Variants in LINGO1 observed in about 807,000 individuals in gnomAD.
The protein encoded by LINGO1 is leucine-rich repeat and immunoglobulin-like domain-containing nogo receptor-interacting protein 1.
In LINGO1, 11 loss-of-function variants were observed where a neutral mutation model predicts 37.3. The ratio of observed to expected loss-of-function variants is 0.29; its 90% CI spans 0.19 to 0.49. LINGO1 has a LOEUF of 0.49. Ranked by LOEUF, LINGO1 falls within the 20% of genes least tolerant of loss-of-function variation. LINGO1 has a pLI of 0.99. For missense variants in LINGO1, 585 were observed against 878.2 expected (o/e 0.67, Z 4.22); for synonymous variants, 387 against 403.0 (o/e 0.96, Z 0.48).
intron 2 of LINGO1, among the ~76,000 whole-genome samples, chr15:77,706,481 CT>C (rs2075854282): frequency 6.6e-6 from 1 of 152,176 alleles, no homozygotes; most frequent in Admixed American, 6.5e-5. Context: ...CACTATTGGC[CT>C]CAGGCTCTGT....
intron 1 of LINGO1, among the ~76,000 whole-genome samples, chr15:77,744,198 T>G (rs1158223461): frequency 6.6e-6 from 1 of 152,060 alleles, no homozygotes; most frequent in East Asian, 1.9e-4. Context: ...ACAAGCTGCG[T>G]GTCTATGAGC....
chr15:77,778,903 C>T (rs2076687719), intron 1 of LINGO1, among the ~76,000 whole-genome samples: 1 of 152,154 alleles, frequency 6.6e-6, no homozygotes, highest in South Asian at 2.1e-4. Flanking sequence ...GCCCTGAGAG[C>T]GATCTCCAAG....
At chr15:77,635,178 G>A (rs145318493), upstream of LINGO1, among the ~76,000 whole-genome samples, 501 of 152,290 alleles carry the variant, frequency 3.3e-3, 4 homozygotes, top group African/African-American at 0.011. Context: ...GGGAGGAAGA[G>A]CCCCTTGGCC....
chr15:77,737,529 C>G (rs973296620), intron 1 of LINGO1, among the ~76,000 whole-genome samples: 1 of 152,146 alleles, frequency 6.6e-6, no homozygotes, highest in African/African-American at 2.4e-5. Flanking sequence ...TCCCATTTCT[C>G]TGCTTCCCTT....
At chr15:77,786,933 A>C (rs993482874) in exon 1 of LINGO1, 3 of 152,410 alleles carry the variant, frequency 2.0e-5, no homozygotes, top group African/African-American at 7.2e-5. Context: ...AGCTGCTGTG[A>C]AGATGGGAAG....
intron 2 of LINGO1, among the ~76,000 whole-genome samples, chr15:77,707,229 G>A (rs1277312677): frequency 1.3e-5 from 2 of 152,166 alleles, no homozygotes; most frequent in Non-Finnish European, 2.9e-5. Context: ...GGAGGAGGAG[G>A]AGAAGTCCAA....
chr15:77,745,314 T>A (rs1315338918), intron 1 of LINGO1, among the ~76,000 whole-genome samples: 2 of 150,576 alleles, frequency 1.3e-5, no homozygotes, highest in African/African-American at 4.9e-5. Flanking sequence ...TAGTCCCAGC[T>A]ACTTGGAAGG....
chr15:77,625,800 C>T (rs1235194300), intron 1 of LINGO1, among the ~76,000 whole-genome samples: 2 of 152,200 alleles, frequency 1.3e-5, no homozygotes, highest in African/African-American at 4.8e-5. Flanking sequence ...TGAGCTGTGT[C>T]ATCTTGGGCA....
chr15:77,803,951 C>G (rs1381966119), intron 1 of LINGO1, among the ~76,000 whole-genome samples: 21 of 152,190 alleles, frequency 1.4e-4, no homozygotes. Context: ...AAGCCACGCA[C>G]AGTGGGCCCT....
intron 1 of LINGO1, among the ~76,000 whole-genome samples, chr15:77,622,552 C>G (rs1428956195): frequency 2.0e-5 from 3 of 152,368 alleles, no homozygotes; most frequent in African/African-American, 7.2e-5. Flanking sequence ...AAGGCCCAGC[C>G]TGGGCTCCTT....
chr15:77,698,574 G>T (rs915929601), upstream of LINGO1, among the ~76,000 whole-genome samples: 2 of 152,186 alleles, frequency 1.3e-5, no homozygotes, highest in Non-Finnish European at 2.9e-5. Context: ...GCTGGCTCAT[G>T]GTCCTCCGGG....
intron 1 of LINGO1, among the ~76,000 whole-genome samples, chr15:77,738,747 TGAAG>T (rs1166793124): frequency 0.18 from 19,844 of 109,056 alleles, 1,482 homozygotes; most frequent in Non-Finnish European, 0.19. Context: ...ACATATTTGC[TGAAG>T]GAAGGAAGGA....
chr15:77,806,061 G>C (rs922379544), intron 1 of LINGO1, among the ~76,000 whole-genome samples: 1 of 152,174 alleles, frequency 6.6e-6, no homozygotes, highest in Admixed American at 6.5e-5. Context: ...TATGGACTGT[G>C]AGTCCATCCC....
chr15:77,771,483 T>C lies in LINGO1; in HGVS notation c.-257+15386A>G, dbSNP rs563081229. Reference sequence around the variant, plus strand: ...CCCAGGTCAGGGCAAGAGTCTGCAATAGACTCCTCTGACCTACAAAACCAA... The same window carrying C: ...CCCAGGTCAGGGCAAGAGTCTGCAACAGACTCCTCTGACCTACAAAACCAA... On this transcript the variant is annotated intron_variant, in intron 1 of 3. Transcript: ENST00000561686. 7.9e-5 allele frequency among the ~76,000 whole-genome samples: 12 copies of C among 152,192 alleles called. No individual in the cohort carries two copies. The East Asian group carries it at 2.3e-3, about 30-fold the overall frequency.
intron 3 of LINGO1, among the ~76,000 whole-genome samples, chr15:77,657,018 C>A (rs558836229): frequency 6.6e-6 from 1 of 152,320 alleles, no homozygotes; most frequent in South Asian, 2.1e-4. Context: ...CCTAAACTCT[C>A]CCCGTGCCCA....
At chr15:77,815,557 G>A (rs963008741) in intron 1 of LINGO1, among the ~76,000 whole-genome samples, 3 of 152,160 alleles carry the variant, frequency 2.0e-5, no homozygotes, top group Non-Finnish European at 4.4e-5. Flanking sequence ...CAGAAACTGA[G>A]GCAGACCCAT....
chr15:77,780,569 A>C (rs574991246), intron 1 of LINGO1, among the ~76,000 whole-genome samples: 1 of 152,188 alleles, frequency 6.6e-6, no homozygotes, highest in East Asian at 1.9e-4. Flanking sequence ...TGGATGCAAT[A>C]TCGTCAGAGG....
intron 2 of LINGO1, among the ~76,000 whole-genome samples, chr15:77,682,277 A>AGTGTGCGTGT (rs201519543): frequency 6.4e-5 from 9 of 139,924 alleles, no homozygotes; most frequent in African/African-American, 2.5e-4. Flanking sequence ...TAGAGATTAA[A>AGTGTGCGTGT]GTGTGTGTGT....
intron 1 of LINGO1, among the ~76,000 whole-genome samples, chr15:77,776,517 G>GAAAGCAGGAAGGCAGGAAGGGAGT (rs2076650035): frequency 5.3e-5 from 5 of 94,680 alleles, no homozygotes; most frequent in African/African-American, 2.1e-4. Flanking sequence ...AGGAAGGCAG[G>GAAAGCAGGAAGGCAGGAAGGGAGT]AAGGGAGGAA....
Sources: gnomAD v4.1 joint callset for allele counts (sites outside exome capture counted in the v4.1 genomes callset) on GRCh38, gnomAD v4.1.1 for gene constraint, MANE v1.5 for transcripts, NCBI Gene and HGNC (gene_info 2026-07-23, HGNC 2026-07-21) for gene names.